The following CSMD1 variants were observed in gnomAD, a reference collection of about 807,000 sequenced individuals.
CSMD1 encodes the protein CUB and Sushi multiple domains 1.
Under a neutral mutation model 417.5 loss-of-function variants are expected in CSMD1, and 213 were observed. That is an observed-to-expected ratio of 0.51 (90% CI 0.46 to 0.57). The LOEUF (loss-of-function observed/expected upper bound fraction) is 0.57. CSMD1 is among the 20% of genes least tolerant of loss of function. The probability of loss-of-function intolerance (pLI) is 0.00; values close to 1 mark genes in which losing one functional copy is unlikely to be tolerated. For missense variants in CSMD1, 6,923 were observed against 4,529.7 expected (o/e 1.53, Z -15.17); for synonymous variants, 2,862 against 1,736.8 (o/e 1.65, Z -16.11).
At chr8:3,852,524 A>G (rs1456084058) in intron 5 of CSMD1, among the ~76,000 whole-genome samples, 1 of 152,166 alleles carries the variant, frequency 6.6e-6, no homozygotes, top group East Asian at 1.9e-4. Context: ...ATTCCAGAAA[A>G]CATAGTAGAT....
At chr8:3,386,885 T>A (rs1811036051) in intron 18 of CSMD1, among the ~76,000 whole-genome samples, 1 of 152,210 alleles carries the variant, frequency 6.6e-6, no homozygotes, top group Admixed American at 6.5e-5. Context: ...ACTGTTATTA[T>A]AACTACACAC....
chr8:3,253,384 G>C (rs1563189454), intron 26 of CSMD1, among the ~76,000 whole-genome samples: 1 of 152,112 alleles, frequency 6.6e-6, no homozygotes, highest in Non-Finnish European at 1.5e-5. Context: ...TTGCACTGTG[G>C]TCTGAGAGAC....
intron 5 of CSMD1, among the ~76,000 whole-genome samples, chr8:3,993,663 GA>G (rs1814931564): frequency 6.6e-6 from 1 of 152,162 alleles, no homozygotes; most frequent in Admixed American, 6.5e-5. Context: ...ATGAAAAATA[GA>G]GCTTACACCT....
chr8:4,917,134 AG>A (rs1170942729), intron 1 of CSMD1, among the ~76,000 whole-genome samples: 2 of 152,312 alleles, frequency 1.3e-5, no homozygotes, highest in East Asian at 3.9e-4. Context: ...TGGAAGGGAA[AG>A]GGAAAGTTGG....
chr8:3,435,381 G>T (rs143066943), intron 12 of CSMD1, among the ~76,000 whole-genome samples: 1 of 152,026 alleles, frequency 6.6e-6, no homozygotes, highest in African/African-American at 2.4e-5. Context: ...ACCCAGTCCC[G>T]CCACCTCTCT....
intron 1 of CSMD1, among the ~76,000 whole-genome samples, chr8:4,944,867 T>C (rs1161679991): frequency 6.6e-6 from 1 of 152,008 alleles, no homozygotes; most frequent in African/African-American, 2.4e-5. Flanking sequence ...AAATTAAAAA[T>C]AAAACTGCCA....
chr8:4,680,510 G>A (rs1379623887), intron 1 of CSMD1, among the ~76,000 whole-genome samples: 2 of 152,156 alleles, frequency 1.3e-5, no homozygotes, highest in Non-Finnish European at 2.9e-5. Flanking sequence ...TAGAGAGGGA[G>A]GAAGGAGAAA....
intron 25 of CSMD1, among the ~76,000 whole-genome samples, chr8:3,297,153 A>T (rs1308585525): frequency 1.3e-5 from 2 of 152,206 alleles, no homozygotes; most frequent in Non-Finnish European, 2.9e-5. Context: ...AAACTGCAAA[A>T]CATCATTGAG....
At chr8:4,213,906 G>A (rs1800474087) in intron 3 of CSMD1, among the ~76,000 whole-genome samples, 1 of 152,200 alleles carries the variant, frequency 6.6e-6, no homozygotes, top group Non-Finnish European at 1.5e-5. Flanking sequence ...ATGAATGAAT[G>A]GAGGGATGAC....
intron 3 of CSMD1, among the ~76,000 whole-genome samples, chr8:4,203,448 A>T (rs1799784257): frequency 6.6e-6 from 1 of 152,314 alleles, no homozygotes; most frequent in African/African-American, 2.4e-5. Flanking sequence ...AAAAAAATCC[A>T]ATGTGCTTTT....
intron 2 of CSMD1, among the ~76,000 whole-genome samples, chr8:4,453,392 C>A (rs1345392641): frequency 2.0e-5 from 3 of 152,212 alleles, no homozygotes; most frequent in East Asian, 3.9e-4. Context: ...GAACTTGGTG[C>A]TGAAGTCAGG....
At chr8:4,065,290 CA>C (rs1187613501) in intron 3 of CSMD1, among the ~76,000 whole-genome samples, 1 of 152,310 alleles carries the variant, frequency 6.6e-6, no homozygotes, top group Non-Finnish European at 1.5e-5. Context: ...AGTGCTTCCC[CA>C]TCCCCCTCAG....
chr8:3,426,210 A>C (rs1256763428), intron 12 of CSMD1, among the ~76,000 whole-genome samples: 1 of 152,216 alleles, frequency 6.6e-6, no homozygotes, highest in Non-Finnish European at 1.5e-5. Context: ...TATTAGAATC[A>C]GGATTTCATT....
intron 2 of CSMD1, among the ~76,000 whole-genome samples, chr8:4,578,512 G>C (rs1799248118): frequency 6.6e-6 from 1 of 151,286 alleles, no homozygotes; most frequent in Non-Finnish European, 1.5e-5. Flanking sequence ...TTAATTTCCT[G>C]TTTTATTATA....
At chr8:3,893,453 A>T (rs1199184492) in intron 5 of CSMD1, among the ~76,000 whole-genome samples, 1 of 150,450 alleles carries the variant, frequency 6.6e-6, no homozygotes, top group Admixed American at 6.7e-5. Flanking sequence ...GGACAGTATG[A>T]TAGCTTTTGC....
intron 3 of CSMD1, among the ~76,000 whole-genome samples, chr8:4,061,092 G>C (rs530053830): frequency 5.3e-5 from 8 of 152,060 alleles, no homozygotes; most frequent in African/African-American, 1.7e-4. Flanking sequence ...TATTATTTTT[G>C]TTGATATCTT....
At chr8:4,533,122 T>C (rs1463844032) in intron 2 of CSMD1, among the ~76,000 whole-genome samples, 1 of 152,220 alleles carries the variant, frequency 6.6e-6, no homozygotes, top group Non-Finnish European at 1.5e-5. Context: ...ATCCAACATA[T>C]GGCATTTTGT....
At chr8:4,048,893 A>C (rs1315467543) in intron 3 of CSMD1, among the ~76,000 whole-genome samples, 3 of 152,194 alleles carry the variant, frequency 2.0e-5, no homozygotes, top group Non-Finnish European at 4.4e-5. Context: ...TGCTACATAC[A>C]AAAATAGTCT....
At position 3,189,896 on chromosome 8, in the gene CSMD1, T is replaced by TA. The variant is rs1401693046; in HGVS notation, c.5398+15dup. ...CACAGAGTTCTGGCGGGCAGCCGCTTAGGGACACTGCTCACCCACACAGCT... is the reference window on the plus strand; with the variant it reads ...CACAGAGTTCTGGCGGGCAGCCGCTTAAGGGACACTGCTCACCCACACAGCT... On this transcript the variant is annotated intron_variant, in intron 34 of 69. Transcript: ENST00000635120. The TA allele has an allele frequency of 8.3e-6, 13 of 1,560,272 alleles. No homozygotes were observed. Among genetic ancestry groups the TA allele is most frequent in the Non-Finnish European group, 1.1e-5 (13 of 1,153,382 alleles).
Sources: gnomAD v4.1 joint callset for allele counts (sites outside exome capture counted in the v4.1 genomes callset) on GRCh38, gnomAD v4.1.1 for gene constraint, MANE v1.5 for transcripts, NCBI Gene and HGNC (gene_info 2026-07-23, HGNC 2026-07-21) for gene names.